The following PCDH11Y variants were observed in gnomAD, a reference collection of about 807,000 sequenced individuals.
The protein encoded by PCDH11Y is protocadherin-11 Y-linked.
For missense variants in PCDH11Y, 12 were observed against 224.8 expected, an observed-to-expected ratio of 0.05 and a Z score of 6.05; for synonymous variants, 9 against 83.6, an observed-to-expected ratio of 0.11 and a Z score of 4.87.
At chrY:5,017,547 A>T in intron 1 of PCDH11Y, among the ~76,000 whole-genome samples, 1 of 32,954 alleles carries the variant, frequency 3.0e-5, no homozygotes, top group Non-Finnish European at 7.5e-5. Context: ...TGTCAATATC[A>T]TTTTCTTATC....
At position 5,528,241 on chromosome Y, in the gene PCDH11Y, AC is replaced by A. The variant is rs2053389833; in HGVS notation, c.3328+26987del. Among the ~76,000 whole-genome samples the A allele has an allele frequency of 6.4e-4, 21 of 32,891 alleles. No homozygotes were observed. The South Asian group carries it at 0.014, about 22-fold the overall frequency. The allele number at this position is 32,891 out of a possible 37,273, so 88.2% of individuals were successfully genotyped here. ...ATGGGGATTTTGATAGAAACGTCAT[AC>A]TTTTTTAAACTTTCCTAGACAATTT... On this transcript the variant is annotated intron_variant, in intron 3 of 4. Transcript: ENST00000400457.
chrY:5,478,382 G>A (rs2124685484), intron 2 of PCDH11Y, among the ~76,000 whole-genome samples: 1 of 33,874 alleles, frequency 3.0e-5, no homozygotes, highest in South Asian at 6.6e-4. Flanking sequence ...TGGTCTGAGA[G>A]ACTGTTTATT....
upstream of PCDH11Y, among the ~76,000 whole-genome samples, chrY:5,053,413 C>T (rs2124627367): frequency 1.6e-4 from 5 of 31,707 alleles, no homozygotes; most frequent in South Asian, 3.6e-3. Context: ...CTCAATATTT[C>T]TTCCCTGTTT....
intron 1 of PCDH11Y, among the ~76,000 whole-genome samples, chrY:5,081,455 G>C: frequency 3.2e-5 from 1 of 30,950 alleles, no homozygotes; most frequent in Non-Finnish European, 7.8e-5. Context: ...AATTACTTTG[G>C]GCAGTGTGGA....
intron 4 of PCDH11Y, among the ~76,000 whole-genome samples, chrY:5,695,076 T>TGCAC (rs2053570702): frequency 4.0e-5 from 1 of 24,842 alleles, no homozygotes; most frequent in Admixed American, 3.9e-4. Flanking sequence ...ACCTGGTGTA[T>TGCAC]ACACACACAC....
intron 4 of PCDH11Y, among the ~76,000 whole-genome samples, chrY:5,730,860 C>A: frequency 3.1e-5 from 1 of 32,678 alleles, no homozygotes; most frequent in African/African-American, 1.2e-4. Flanking sequence ...GAGATGATCA[C>A]ATTTTTTTTA....
chrY:5,603,589 C>G (rs2053474820), intron 4 of PCDH11Y, among the ~76,000 whole-genome samples: 1 of 31,345 alleles, frequency 3.2e-5, no homozygotes, highest in Non-Finnish European at 7.6e-5. Flanking sequence ...AAGTTATGCG[C>G]ATCTAGGAAA....
At chrY:5,560,076 T>C in intron 3 of PCDH11Y, among the ~76,000 whole-genome samples, 1 of 32,818 alleles carries the variant, frequency 3.0e-5, no homozygotes, top group Non-Finnish European at 7.5e-5. Flanking sequence ...TGGTGTCAGA[T>C]GGAAATGAGG....
chrY:5,564,659 G>A (rs2053432626), intron 3 of PCDH11Y, among the ~76,000 whole-genome samples: 1 of 32,327 alleles, frequency 3.1e-5, no homozygotes, highest in African/African-American at 1.2e-4. Flanking sequence ...ACAGTAACCC[G>A]ACTGCTACAC....
intron 2 of PCDH11Y, among the ~76,000 whole-genome samples, chrY:5,197,473 T>G: frequency 3.2e-5 from 1 of 31,450 alleles, no homozygotes; most frequent in African/African-American, 1.3e-4. Context: ...GCCATCCCAT[T>G]ACTGGGTATA....
intron 4 of PCDH11Y, among the ~76,000 whole-genome samples, chrY:5,593,684 GT>G (rs1556033564): frequency 1.2e-4 from 3 of 26,059 alleles, no homozygotes; most frequent in African/African-American, 1.5e-4. Flanking sequence ...GAGGTTTTTT[GT>G]TTTTTTTTTT....
At chrY:5,263,746 G>A in intron 2 of PCDH11Y, among the ~76,000 whole-genome samples, 1 of 32,035 alleles carries the variant, frequency 3.1e-5, no homozygotes, top group Non-Finnish European at 7.6e-5. Context: ...GCACAGCACT[G>A]GGTCTCACCC....
chrY:5,657,904 C>G, intron 4 of PCDH11Y, among the ~76,000 whole-genome samples: 1 of 33,268 alleles, frequency 3.0e-5, no homozygotes, highest in African/African-American at 1.2e-4. Flanking sequence ...TTATACTCCC[C>G]CTTTTTAACT....
chrY:5,443,203 G>A, intron 2 of PCDH11Y, among the ~76,000 whole-genome samples: 1 of 32,465 alleles, frequency 3.1e-5, no homozygotes, highest in African/African-American at 1.2e-4. Context: ...AACAGTATAC[G>A]AAAAGGATAC....
intron 2 of PCDH11Y, among the ~76,000 whole-genome samples, chrY:5,439,473 C>T: frequency 3.1e-5 from 1 of 32,578 alleles, no homozygotes; most frequent in African/African-American, 1.2e-4. Context: ...TGCTTTTTTC[C>T]AGACATTATA....
chrY:5,215,675 C>T (rs2052944966), intron 2 of PCDH11Y, among the ~76,000 whole-genome samples: 1 of 31,552 alleles, frequency 3.2e-5, no homozygotes, highest in African/African-American at 1.3e-4. Context: ...ACTTTCTGCA[C>T]AATCTTCTCT....
chrY:5,189,828 G>A (rs2052910251), intron 2 of PCDH11Y, among the ~76,000 whole-genome samples: 2 of 33,212 alleles, frequency 6.0e-5, no homozygotes, highest in Non-Finnish European at 1.5e-4. Flanking sequence ...TTATTTTAAT[G>A]ACTTATAATG....
At chrY:5,630,530 T>A in intron 4 of PCDH11Y, among the ~76,000 whole-genome samples, 1 of 32,586 alleles carries the variant, frequency 3.1e-5, no homozygotes, top group Non-Finnish European at 7.5e-5. Context: ...CATTCTTAGG[T>A]AGTAGGGGGG....
At chrY:5,469,919 G>A (rs2124684569) in intron 2 of PCDH11Y, among the ~76,000 whole-genome samples, 1 of 35,753 alleles carries the variant, frequency 2.8e-5, no homozygotes, top group South Asian at 5.7e-4. Flanking sequence ...ACACAAAGAT[G>A]TTGAATCTGT....
Sources: gnomAD v4.1 joint callset for allele counts (sites outside exome capture counted in the v4.1 genomes callset) on GRCh38, gnomAD v4.1.1 for gene constraint, MANE v1.5 for transcripts, NCBI Gene and HGNC (gene_info 2026-07-23, HGNC 2026-07-21) for gene names.